The following MBNL1 variants were observed in gnomAD, a reference collection of about 807,000 sequenced individuals.
The protein encoded by MBNL1 is muscleblind like splicing regulator 1, also known as muscleblind-like protein 1.
A neutral mutation model predicts 42.2 loss-of-function variants in MBNL1; 8 were observed. The observed-to-expected ratio is 0.19, with a 90% CI of 0.11 to 0.34. The LOEUF (loss-of-function observed/expected upper bound fraction) is 0.34. Among genes scored for constraint, MBNL1 ranks in the 10% least tolerant of loss-of-function variants. The probability of loss-of-function intolerance (pLI) is 1.00; values close to 1 mark genes in which losing one functional copy is unlikely to be tolerated. For synonymous variants in MBNL1, 169 were observed against 173.9 expected, an observed-to-expected ratio of 0.97 and a Z score of 0.22; for missense variants, 309 against 495.3, an observed-to-expected ratio of 0.62 and a Z score of 3.57.
intron 3 of MBNL1, among the ~76,000 whole-genome samples, chr3:152,421,482 G>A (rs1005316103): frequency 1.3e-5 from 2 of 152,172 alleles, no homozygotes; most frequent in African/African-American, 2.4e-5. Flanking sequence ...GTTGGGGGAA[G>A]GCATTTGCTA....
At chr3:152,455,672 G>GC in intron 7 of MBNL1, 95 bp downstream of exon 7, 1 of 1,098,970 alleles carries the variant, frequency 9.1e-7, no homozygotes, top group Non-Finnish European at 1.4e-6. Flanking sequence ...TATCTATTGG[G>GC]CAAGTCCATT....
intron 4 of MBNL1, among the ~76,000 whole-genome samples, chr3:152,443,087 A>G (rs1274700724): frequency 2.0e-5 from 3 of 152,128 alleles, no homozygotes; most frequent in Non-Finnish European, 2.9e-5. Context: ...TTAGTTATTA[A>G]GTCTGCTTAA....
intron 2 of MBNL1, among the ~76,000 whole-genome samples, chr3:152,247,225 A>C (rs1271881550): frequency 1.3e-5 from 2 of 152,110 alleles, no homozygotes; most frequent in African/African-American, 4.8e-5. Context: ...ATCCCAGATA[A>C]TGTGGGTCTT....
chr3:152,413,318 A>G (rs1466249232), intron 2 of MBNL1, among the ~76,000 whole-genome samples: 1 of 152,174 alleles, frequency 6.6e-6, no homozygotes, highest in Non-Finnish European at 1.5e-5. Flanking sequence ...ACACAAATTA[A>G]ATTGTGGTGG....
At chr3:152,401,297 A>G (rs2098207482) in intron 2 of MBNL1, among the ~76,000 whole-genome samples, 3 of 152,194 alleles carry the variant, frequency 2.0e-5, no homozygotes, top group South Asian at 4.1e-4. Context: ...CACTACTGTG[A>G]GTTTATTCTA....
intron 2 of MBNL1, among the ~76,000 whole-genome samples, chr3:152,332,689 GTTTT>G (rs1411993548): frequency 2.1e-4 from 26 of 122,376 alleles, no homozygotes; most frequent in African/African-American, 7.3e-4. Flanking sequence ...AGTTTTCATG[GTTTT>G]GTGTGTGTGT....
chr3:152,431,343 G>A (rs2099004534), intron 3 of MBNL1, among the ~76,000 whole-genome samples: 1 of 152,126 alleles, frequency 6.6e-6, no homozygotes, highest in African/African-American at 2.4e-5. Flanking sequence ...TAAGAAAAAG[G>A]GAATACTTGA....
intron 2 of MBNL1, among the ~76,000 whole-genome samples, chr3:152,364,172 AG>A (rs1362642040): frequency 6.6e-6 from 1 of 152,080 alleles, no homozygotes; most frequent in Non-Finnish European, 1.5e-5. Flanking sequence ...TATAAAATAG[AG>A]GCTATAGTAA....
chr3:152,323,631 C>T (rs1354805386), intron 2 of MBNL1, among the ~76,000 whole-genome samples: 4 of 152,160 alleles, frequency 2.6e-5, no homozygotes, highest in South Asian at 4.1e-4. Flanking sequence ...AGGCTGCAAA[C>T]GTATACAGCC....
intron 2 of MBNL1, among the ~76,000 whole-genome samples, chr3:152,404,316 T>C (rs1343698882): frequency 6.6e-6 from 1 of 152,214 alleles, no homozygotes; most frequent in Admixed American, 6.5e-5. Context: ...ATATATGCTG[T>C]CCCATCTAGA....
intron 3 of MBNL1, among the ~76,000 whole-genome samples, chr3:152,421,705 T>C (rs1352057517): frequency 6.6e-6 from 1 of 151,984 alleles, no homozygotes; most frequent in Admixed American, 6.6e-5. Flanking sequence ...AAAGGTCAGG[T>C]TACCCACAAA....
intron 2 of MBNL1, among the ~76,000 whole-genome samples, chr3:152,407,302 C>T (rs1355390282): frequency 1.5e-5 from 2 of 132,348 alleles, no homozygotes; most frequent in Admixed American, 9.5e-5. Flanking sequence ...CATGCATTTG[C>T]TGTTACGCTG....
rs527338960 is a variant in MBNL1 at position 152,385,035 on chromosome 3, A to G, written c.175-29906A>G. On this transcript the variant is annotated intron_variant, in intron 2 of 9. Coordinates refer to ENST00000324210, the MANE Select transcript of MBNL1 (RefSeq NM_021038.5). ...ATTATTTATACTTTTTGTGTAACAC[A>G]AGAGAGATTATACATCCCTAGTAGA... Among the ~76,000 whole-genome samples the G allele has an allele frequency of 3.3e-5, 5 of 152,230 alleles. No homozygotes were observed. The South Asian group carries it at 6.2e-4, about 19-fold the overall frequency.
chr3:152,294,346 T>A (rs1351545281), intron 1 of MBNL1, among the ~76,000 whole-genome samples: 1 of 148,370 alleles, frequency 6.7e-6, no homozygotes, highest in East Asian at 2.0e-4. Flanking sequence ...TGCAGTGGTG[T>A]GATCTCGGCT....
intron 6 of MBNL1, among the ~76,000 whole-genome samples, chr3:152,454,107 A>T (rs2153936328): frequency 6.6e-6 from 1 of 152,158 alleles, no homozygotes; most frequent in East Asian, 1.9e-4. Flanking sequence ...TGTCTTTCAC[A>T]AGTCTTTGAC....
chr3:152,342,553 A>AACACACACACACAAACACAC (rs1553851233), intron 2 of MBNL1, among the ~76,000 whole-genome samples: 4 of 146,110 alleles, frequency 2.7e-5, no homozygotes, highest in African/African-American at 1.0e-4. Context: ...AACTAAACAA[A>AACACACACACACAAACACAC]ACACACACAC....
At chr3:152,435,077 C>G (rs542099917) in intron 4 of MBNL1, among the ~76,000 whole-genome samples, 1 of 150,138 alleles carries the variant, frequency 6.7e-6, no homozygotes, top group Non-Finnish European at 1.5e-5. Context: ...TTTTTCGTTG[C>G]GATTGCTTTT....
At chr3:152,415,541 G>T (rs561379262) in intron 3 of MBNL1, among the ~76,000 whole-genome samples, 1 of 152,098 alleles carries the variant, frequency 6.6e-6, no homozygotes, top group Non-Finnish European at 1.5e-5. Context: ...AAAAGAATGT[G>T]TATAGTTCTT....
intron 3 of MBNL1, among the ~76,000 whole-genome samples, chr3:152,429,222 A>G (rs958944008): frequency 6.6e-6 from 1 of 152,232 alleles, no homozygotes; most frequent in South Asian, 2.1e-4. Context: ...ACTACTAATA[A>G]TCATGTTTGC....
Sources: allele counts gnomAD v4.1 joint callset (sites outside exome capture counted in the v4.1 genomes callset), GRCh38; gene constraint gnomAD v4.1.1; transcripts MANE v1.5; gene names NCBI Gene and HGNC (gene_info 2026-07-23, HGNC 2026-07-21).